The following MYO16 variants were observed in gnomAD, a reference collection of about 807,000 sequenced individuals.
The protein encoded by MYO16 is unconventional myosin-XVI.
In MYO16, 94 loss-of-function variants were observed where a neutral mutation model predicts 205.3. The observed-to-expected ratio is 0.46, with a 90% CI of 0.39 to 0.54. The LOEUF is 0.54. Among genes scored for constraint, MYO16 ranks in the 20% least tolerant of loss-of-function variants. The probability of loss-of-function intolerance (pLI) is 0.00; values close to 1 mark genes in which losing one functional copy is unlikely to be tolerated. For missense variants in MYO16, 2,315 were observed against 2,387.5 expected (o/e 0.97, Z 0.63); for synonymous variants, 988 against 954.0 (o/e 1.04, Z -0.66).
intron 33 of MYO16, among the ~76,000 whole-genome samples, chr13:109,170,782 A>C (rs79055314): frequency 0.12 from 18,787 of 152,196 alleles, 1,556 homozygotes; most frequent in Non-Finnish European, 0.18. Flanking sequence ...AATAGGATCC[A>C]TGAAATTAAT....
intron 34 of MYO16, among the ~76,000 whole-genome samples, chr13:109,199,067 T>C (rs1350478895): frequency 3.3e-5 from 5 of 151,710 alleles, no homozygotes; most frequent in African/African-American, 4.8e-5. Flanking sequence ...TTCTCCCCTG[T>C]TCTAACTGGT....
At chr13:108,824,255 A>G (rs1334969010) in intron 9 of MYO16, among the ~76,000 whole-genome samples, 1 of 152,110 alleles carries the variant, frequency 6.6e-6, no homozygotes, top group East Asian at 1.9e-4. Flanking sequence ...TGTTACCTCC[A>G]GAATGCTACT....
chr13:108,590,533 T>C, the MYO16 span, among the ~76,000 whole-genome samples: 1 of 152,286 alleles, frequency 6.6e-6, no homozygotes, highest in East Asian at 1.9e-4. Context: ...AATGTGACCT[T>C]ATTTGGAAAC....
chr13:108,918,064 T>C (rs1227678871), intron 16 of MYO16, among the ~76,000 whole-genome samples: 4 of 152,274 alleles, frequency 2.6e-5, no homozygotes, highest in Non-Finnish European at 4.4e-5. Flanking sequence ...TTTTTGTGAA[T>C]GGTTTTCAAA....
intron 25 of MYO16, among the ~76,000 whole-genome samples, chr13:109,054,070 T>A (rs571568803): frequency 1.1e-4 from 17 of 152,136 alleles, no homozygotes; most frequent in Non-Finnish European, 2.2e-4. Context: ...GTCTAATATA[T>A]AATTTTGTGA....
chr13:108,625,369 C>G (rs551061742), upstream of MYO16, among the ~76,000 whole-genome samples: 1 of 152,284 alleles, frequency 6.6e-6, no homozygotes, highest in East Asian at 1.9e-4. Flanking sequence ...AGGCTTGATC[C>G]TGGTCCTGAG....
At chr13:108,925,015 A>G (rs531174439) in intron 16 of MYO16, among the ~76,000 whole-genome samples, 75 of 152,298 alleles carry the variant, frequency 4.9e-4, no homozygotes, top group African/African-American at 1.7e-3. Flanking sequence ...GTGGGAGTTC[A>G]TGGGCCCATG....
intron 4 of MYO16, among the ~76,000 whole-genome samples, chr13:108,739,809 A>G (rs1371751435): frequency 6.6e-6 from 1 of 152,124 alleles, no homozygotes; most frequent in Non-Finnish European, 1.5e-5. Context: ...ACATAGTCCC[A>G]TATTTCTTGG....
chr13:108,542,382 G>A, the MYO16 span, among the ~76,000 whole-genome samples: 10 of 152,222 alleles, frequency 6.6e-5, no homozygotes, highest in South Asian at 2.1e-4. Flanking sequence ...TAGTATCTGC[G>A]TGATGAAATA....
intron 2 of MYO16, among the ~76,000 whole-genome samples, chr13:108,695,120 A>G (rs974609941): frequency 6.6e-6 from 1 of 152,240 alleles, no homozygotes; most frequent in African/African-American, 2.4e-5. Flanking sequence ...TTCAAAAAAC[A>G]AACAAACTAA....
intron 12 of MYO16, among the ~76,000 whole-genome samples, chr13:108,869,556 C>A (rs9555523): frequency 8.6e-6 from 1 of 116,876 alleles, no homozygotes; most frequent in Non-Finnish European, 1.8e-5. Context: ...AACCCCGTCT[C>A]TACTAAAAAT....
At chr13:108,624,145 T>C (rs924408078) in intron 1 of MYO16, among the ~76,000 whole-genome samples, 22 of 152,178 alleles carry the variant, frequency 1.4e-4, no homozygotes, top group Admixed American at 1.3e-3. Context: ...GCCTCACAAT[T>C]CCTTTCATCC....
At chr13:108,903,915 T>C (rs1008683926) in intron 15 of MYO16, among the ~76,000 whole-genome samples, 3 of 152,178 alleles carry the variant, frequency 2.0e-5, no homozygotes, top group Non-Finnish European at 2.9e-5. Context: ...TGATTACAGA[T>C]TGAGTTTATA....
the MYO16 span, among the ~76,000 whole-genome samples, chr13:108,566,526 G>A: frequency 6.6e-6 from 1 of 151,686 alleles, no homozygotes; most frequent in African/African-American, 2.4e-5. Context: ...CAGCTACTCA[G>A]GAGACTGAGG....
intron 34 of MYO16, among the ~76,000 whole-genome samples, chr13:109,205,494 G>A (rs1240719513): frequency 1.3e-5 from 2 of 152,150 alleles, no homozygotes; most frequent in African/African-American, 2.4e-5. Context: ...AGAAGTGCTG[G>A]AACAAAGTAG....
chr13:109,152,608 C>T (rs1318397759), intron 32 of MYO16, among the ~76,000 whole-genome samples: 1 of 152,112 alleles, frequency 6.6e-6, no homozygotes, highest in Non-Finnish European at 1.5e-5. Context: ...TTAAAACACC[C>T]GGTGATGTGG....
chr13:108,867,183 A>AAAAAC (rs57653337), intron 12 of MYO16, among the ~76,000 whole-genome samples: 2,944 of 151,604 alleles, frequency 0.019, 123 homozygotes, highest in African/African-American at 0.068. Flanking sequence ...CATCTCTGCA[A>AAAAAC]AAAACAAAAC....
intron 16 of MYO16, among the ~76,000 whole-genome samples, chr13:108,931,877 G>T (rs926163794): frequency 6.6e-6 from 1 of 152,152 alleles, no homozygotes; most frequent in East Asian, 1.9e-4. Context: ...TCGAAAAATT[G>T]TTGGCCATGA....
chr13:108,979,172 T>A, intron 20 of MYO16, among the ~76,000 whole-genome samples: 1 of 152,020 alleles, frequency 6.6e-6, no homozygotes, highest in South Asian at 2.1e-4. Context: ...TTCTGAAGTT[T>A]CAAAAATATA....
Sources: gnomAD v4.1 joint callset for allele counts (sites outside exome capture counted in the v4.1 genomes callset) on GRCh38, gnomAD v4.1.1 for gene constraint, MANE v1.5 for transcripts, NCBI Gene and HGNC (gene_info 2026-07-23, HGNC 2026-07-21) for gene names.